The following MORF4L2 variants were observed in gnomAD, a reference collection of about 807,000 sequenced individuals.
MORF4L2 encodes the protein mortality factor 4 like 2, also known as mortality factor 4-like protein 2.
MORF4L2 carries 1 observed loss-of-function variant against 12.0 expected under a neutral mutation model. The ratio of observed to expected loss-of-function variants is 0.08; its 90% CI spans 0.03 to 0.40. The LOEUF (loss-of-function observed/expected upper bound fraction) is 0.40. Ranked by LOEUF, MORF4L2 falls within the 10% of genes least tolerant of loss-of-function variation. The pLI is 0.98. For synonymous variants in MORF4L2, 69 were observed against 81.6 expected (o/e 0.85, Z 0.83); for missense variants, 123 against 214.0 (o/e 0.57, Z 2.65).
chrX:103,681,295 A>C (rs1238711180), intron 2 of MORF4L2, among the ~76,000 whole-genome samples: 2 of 112,030 alleles, frequency 1.8e-5, no homozygotes, highest in African/African-American at 6.5e-5. Context: ...CTGTATAAAT[A>C]ATACATTTAA....
Position 103,676,824 on chromosome X carries a change from A to AG in MORF4L2, c.203dup (p.Ser69PhefsTer42), listed in dbSNP as rs1172112666. On this transcript the variant is annotated frameshift_variant, in exon 4 of 4. Transcript: ENST00000441076. LOFTEE classifies it high-confidence loss of function. ...TTCTGGTCTTCCTCACGGATCCTGA[A>AG]GGGGGGTTCTCTGCAGAGCGACCAC... 1 of 1,207,386 alleles carries AG rather than the reference A, an allele frequency of 8.3e-7. No homozygotes were observed. The highest frequency in any genetic ancestry group is 2.2e-5 in the Admixed American group (1 of 45,387).
chrX:103,680,415 G>A (rs2099685660), intron 2 of MORF4L2, among the ~76,000 whole-genome samples: 1 of 112,552 alleles, frequency 8.9e-6, no homozygotes, highest in Non-Finnish European at 1.9e-5. Flanking sequence ...GTGGGAATCA[G>A]AAACCTTCTG....
chrX:103,676,417 C>T lies in MORF4L2; in HGVS notation c.611G>A (p.Arg204Lys). 1 of 1,211,731 alleles carries T rather than the reference C, an allele frequency of 8.3e-7. No homozygotes were observed. Among genetic ancestry groups the T allele is most frequent in the Non-Finnish European group, 1.1e-6 (1 of 895,532 alleles). ...LGTQLLYKFE[R>K]PQYAEILLAH... is the part of the protein sequence containing the mutation. ...CAAGAGGATTTCAGCATACTGGGGC[C>T]TCTCAAATTTGTAGAGCAGCTGAGT... The change falls in exon 4 of 4, where the codon AGG becomes AAG. Residue 204 changes from arginine to lysine, a missense_variant. Coordinates refer to ENST00000441076, the MANE Select transcript of MORF4L2 (RefSeq NM_012286.3).
chrX:103,681,451 CTTAAT>C (rs1281679796), intron 2 of MORF4L2, among the ~76,000 whole-genome samples: 3 of 111,677 alleles, frequency 2.7e-5, no homozygotes, highest in African/African-American at 6.5e-5. Flanking sequence ...ATGAGCATAC[CTTAAT>C]TTACTTAGCC....
chrX:103,687,064 G>A (rs758485817), upstream of MORF4L2, among the ~76,000 whole-genome samples: 2 of 108,080 alleles, frequency 1.9e-5, no homozygotes, highest in South Asian at 4.1e-4. Context: ...TCACGACCCA[G>A]AGTTCCTCTG....
At chrX:103,682,975 C>G (rs1463785734) in intron 2 of MORF4L2, among the ~76,000 whole-genome samples, 1 of 112,630 alleles carries the variant, frequency 8.9e-6, no homozygotes, top group Non-Finnish European at 1.9e-5. Context: ...AGAGTTTATC[C>G]TTTCCCCATT....
intron 2 of MORF4L2, among the ~76,000 whole-genome samples, chrX:103,679,655 A>G (rs1383240982): frequency 9.1e-6 from 1 of 109,828 alleles, no homozygotes; most frequent in East Asian, 2.8e-4. Flanking sequence ...AGACAGATAA[A>G]TATCAGCCTG....
chrX:103,679,364 A>C (rs2073925561), intron 2 of MORF4L2, among the ~76,000 whole-genome samples: 1 of 106,879 alleles, frequency 9.4e-6, no homozygotes, highest in African/African-American at 3.4e-5. Context: ...AAAAAAAAAA[A>C]AAAAAGTAGC....
chrX:103,675,857 T>C lies in MORF4L2; in HGVS notation c.*304A>G. Reference sequence around the variant, plus strand: ...CATAGCATTAACACATATTAGAAAATTGTGTAGTGTCAAAGGGATAGGAAC... The same window carrying C: ...CATAGCATTAACACATATTAGAAAACTGTGTAGTGTCAAAGGGATAGGAAC... On this transcript the variant is annotated 3_prime_UTR_variant, in exon 4 of 4. Coordinates refer to ENST00000441076, the MANE Select transcript of MORF4L2 (RefSeq NM_012286.3). 5.2e-6 allele frequency: 1 copy of C among 191,324 alleles called. No individual in the cohort carries two copies. The highest frequency in any genetic ancestry group is 1.1e-4 in the East Asian group (1 of 9,174). The allele number at this position is 191,324 out of a possible 1,213,427, so 15.8% of individuals were successfully genotyped here.
chrX:103,683,871 T>C (rs968720596), intron 2 of MORF4L2, among the ~76,000 whole-genome samples: 4 of 111,038 alleles, frequency 3.6e-5, no homozygotes, highest in African/African-American at 1.3e-4. Flanking sequence ...GAGTCCCTGT[T>C]GGCTTAACAG....
chrX:103,686,412 T>A (rs1327512335), intron 1 of MORF4L2, among the ~76,000 whole-genome samples: 42 of 111,492 alleles, frequency 3.8e-4, no homozygotes, highest in Non-Finnish European at 2.4e-4. Context: ...TACGCACTAT[T>A]ATACAGTACA....
At chrX:103,683,220 G>T (rs1182075376) in intron 2 of MORF4L2, among the ~76,000 whole-genome samples, 1 of 111,474 alleles carries the variant, frequency 9.0e-6, no homozygotes, top group East Asian at 2.8e-4. Flanking sequence ...TGGGATTATA[G>T]GCGCCCACCT....
rs189154678 is a variant in MORF4L2 at position 103,676,078 on chromosome X, G to A, written c.*83C>T. The A allele has an allele frequency of 7.6e-3, 7,445 of 975,822 alleles. 27 individuals are homozygous for A. The highest frequency in any genetic ancestry group is 7.4e-3 in the Non-Finnish European group (5,305 of 717,817). 80.4% of individuals were successfully genotyped at this position (975,822 alleles called of 1,213,427 possible). A position where few individuals can be genotyped will look rare whatever the true frequency, so the allele number is the denominator to read the frequency against. ...CCTGTTATACATTAACGATTTTAAAGAACATCAATTTTACAAGAAAAAGAC... is the reference window on the plus strand; with the variant it reads ...CCTGTTATACATTAACGATTTTAAAAAACATCAATTTTACAAGAAAAAGAC... On this transcript the variant is annotated 3_prime_UTR_variant, in exon 4 of 4. Transcript: ENST00000441076.
upstream of MORF4L2, among the ~76,000 whole-genome samples, chrX:103,686,971 GTTTT>G (rs11395120): frequency 9.6e-6 from 1 of 103,687 alleles, no homozygotes; most frequent in Non-Finnish European, 2.0e-5. Context: ...GCCCTCTTAG[GTTTT>G]TTTTTTTAGC....
chrX:103,682,832 T>C (rs2074016071), intron 2 of MORF4L2, among the ~76,000 whole-genome samples: 1 of 112,415 alleles, frequency 8.9e-6, no homozygotes, highest in Non-Finnish European at 1.9e-5. Flanking sequence ...TTTTCCCTTG[T>C]GACCTTTGGC....
At chrX:103,677,493 A>C (rs1032787424) in intron 3 of MORF4L2, among the ~76,000 whole-genome samples, 2 of 112,236 alleles carry the variant, frequency 1.8e-5, no homozygotes, top group Non-Finnish European at 3.8e-5. Context: ...GAAAGGCCTG[A>C]ATTAGGATGA....
At chrX:103,685,305 G>C (rs2074071758) in intron 1 of MORF4L2, 45 bp from the exon 2 acceptor site, 1 of 111,777 alleles carries the variant, frequency 8.9e-6, no homozygotes, top group South Asian at 3.7e-4. Context: ...AAAATAAAAA[G>C]ATATGAGATA....
Position 103,676,900 on chromosome X carries a change from GTCT to G in MORF4L2, c.125_127del (p.Lys42del). The G allele has an allele frequency of 1.7e-6, 2 of 1,209,282 alleles. No homozygotes were observed. Among genetic ancestry groups the G allele is most frequent in the Non-Finnish European group, 2.2e-6 (2 of 895,059 alleles). ...AAGATTTTTCTGCTGTGGACCAGCT[GTCT>G]TCTTTCCTGAGGAGGCCCCTCTCAT... On this transcript the variant is annotated inframe_deletion, in exon 4 of 4. Coordinates refer to ENST00000441076, the MANE Select transcript of MORF4L2 (RefSeq NM_012286.3).
chrX:103,680,268 A>G (rs1247460216), intron 2 of MORF4L2, among the ~76,000 whole-genome samples: 2 of 113,106 alleles, frequency 1.8e-5, no homozygotes, highest in Non-Finnish European at 3.7e-5. Context: ...TATTGGGAAG[A>G]AAGGCCTGGA....
Sources: gnomAD v4.1 joint callset for allele counts (sites outside exome capture counted in the v4.1 genomes callset) on GRCh38, gnomAD v4.1.1 for gene constraint, MANE v1.5 for transcripts, NCBI Gene and HGNC (gene_info 2026-07-23, HGNC 2026-07-21) for gene names.